ADCY2: variants seen among roughly 807,000 people sequenced by gnomAD.
The protein encoded by ADCY2 is adenylate cyclase 2, also known as adenylate cyclase type 2.
In ADCY2, 31 loss-of-function variants were observed where a neutral mutation model predicts 125.2. The observed-to-expected ratio is 0.25, with a 90% CI of 0.19 to 0.33. The LOEUF (loss-of-function observed/expected upper bound fraction) is 0.33, where lower values mean the gene tolerates loss of function less well. Ranked by LOEUF, ADCY2 falls within the 10% of genes least tolerant of loss-of-function variation. The pLI is 1.00. For missense variants in ADCY2, 904 were observed against 1,418.2 expected, an observed-to-expected ratio of 0.64 and a Z score of 5.82; for synonymous variants, 512 against 548.4, an observed-to-expected ratio of 0.93 and a Z score of 0.93.
intron 16 of ADCY2, among the ~76,000 whole-genome samples, chr5:7,758,469 C>G (rs554936478): frequency 6.6e-6 from 1 of 152,108 alleles, no homozygotes; most frequent in African/African-American, 2.4e-5. Context: ...TTCCAGGGAC[C>G]CAAAGCCAGG....
rs148243742 is a variant in ADCY2, at chr5:7,618,291, T to A, written c.571-7876T>A. 1.2e-3 allele frequency among the ~76,000 whole-genome samples: 179 copies of A among 152,330 alleles called. 1 individual carries two copies. The highest frequency in any genetic ancestry group is 4.1e-3 in the African/African-American group (170 of 41,586). ...CAGGTGTTTTCTGATTCAGTCATAA[T>A]CAGCGGGGCACTCTGCACTTTTTAT... On this transcript the variant is annotated intron_variant, in intron 3 of 24. Coordinates refer to ENST00000338316, the MANE Select transcript of ADCY2 (RefSeq NM_020546.3).
At chr5:7,629,675 C>A (rs559365339) in intron 4 of ADCY2, among the ~76,000 whole-genome samples, 1 of 152,198 alleles carries the variant, frequency 6.6e-6, no homozygotes, top group East Asian at 1.9e-4. Flanking sequence ...TCACCTGTCT[C>A]GAGTTTTGAC....
chr5:7,634,751 G>A (rs1038026608), intron 4 of ADCY2, among the ~76,000 whole-genome samples: 5 of 151,846 alleles, frequency 3.3e-5, no homozygotes, highest in African/African-American at 1.2e-4. Flanking sequence ...CCCAGGTTGG[G>A]GAATGCAGAG....
At chr5:7,430,522 G>GTGTA (rs1740550071) in intron 2 of ADCY2, among the ~76,000 whole-genome samples, 1 of 146,428 alleles carries the variant, frequency 6.8e-6, no homozygotes, top group Non-Finnish European at 1.5e-5. Flanking sequence ...ATGTGTGTAT[G>GTGTA]TATATATATA....
rs985437261 is a variant in ADCY2 at position 7,626,193 on chromosome 5, C to T, written c.597C>T (p.Ile199=). The T allele has an allele frequency of 6.2e-7, 1 of 1,614,018 alleles. No individual in the cohort carries two copies. The highest frequency in any genetic ancestry group is 1.1e-5 in the South Asian group (1 of 91,044). The change falls in exon 4 of 25, where the codon ATC becomes ATT. Residue 199 remains isoleucine, a synonymous_variant. Transcript: ENST00000338316. ...WQILANVIIF[I]CGNLAGAYHK... Reference sequence around the variant, plus strand: ...TCCTGGCCAATGTGATCATTTTCATCTGTGGGAACCTGGCGGGAGCCTACC... The same window carrying T: ...TCCTGGCCAATGTGATCATTTTCATTTGTGGGAACCTGGCGGGAGCCTACC...
chr5:7,792,567 T>A (rs920884338), intron 20 of ADCY2, among the ~76,000 whole-genome samples: 2 of 147,230 alleles, frequency 1.4e-5, no homozygotes, highest in African/African-American at 5.4e-5. Flanking sequence ...CAGAGCCCTG[T>A]CTCATGTCCT....
intron 18 of ADCY2, among the ~76,000 whole-genome samples, chr5:7,783,517 C>G (rs1007677290): frequency 6.6e-6 from 1 of 151,892 alleles, no homozygotes; most frequent in African/African-American, 2.4e-5. Flanking sequence ...CCTTGAACCC[C>G]CCACAGAGAA....
At chr5:7,728,278 T>C (rs1301136655) in intron 14 of ADCY2, among the ~76,000 whole-genome samples, 1 of 152,166 alleles carries the variant, frequency 6.6e-6, no homozygotes, top group Non-Finnish European at 1.5e-5. Flanking sequence ...TCAAAGGATT[T>C]TCTTCTGGGC....
In ADCY2 at chr5:7,520,785, C is replaced by T. The variant is rs779363813; in HGVS notation, c.456C>T (p.Pro152=). 1 of 1,614,170 alleles carries T rather than the reference C, an allele frequency of 6.2e-7. No homozygotes were observed. The highest frequency in any genetic ancestry group is 1.7e-5 in the Admixed American group (1 of 60,026). Residue 152 remains proline (P), a synonymous_variant, in exon 3 of 25, where the codon CCC becomes CCT. Transcript: ENST00000338316. ...TCTTCGTGGTGTACACCATGCTGCC[C>T]TTCAACATGCGAGACGCCATCATTG... ...FIIFVVYTML[P]FNMRDAIIAS...
In ADCY2 at chr5:7,690,681, C is replaced by A. The variant is rs1310398379; in HGVS notation, c.721-10C>A. 3 of 1,557,470 alleles carry A rather than the reference C, an allele frequency of 1.9e-6. No homozygotes were observed. The highest frequency in any genetic ancestry group is 2.6e-6 in the Non-Finnish European group (3 of 1,155,426). Reference sequence around the variant, plus strand: ...AGAGACATTTGTTCCTCCTTCCCCACCTTGTCCAGGAGCGGCTTCTGCTCT... The same window carrying A: ...AGAGACATTTGTTCCTCCTTCCCCAACTTGTCCAGGAGCGGCTTCTGCTCT... On this transcript the variant is annotated splice_polypyrimidine_tract_variant and intron_variant, in intron 4 of 24. Coordinates refer to ENST00000338316, the MANE Select transcript of ADCY2 (RefSeq NM_020546.3).
chr5:7,733,710 A>G (rs578159120), intron 14 of ADCY2, among the ~76,000 whole-genome samples: 4 of 152,284 alleles, frequency 2.6e-5, no homozygotes, highest in Admixed American at 2.0e-4. Flanking sequence ...AATCCAAGAG[A>G]TGGGATAAGC....
intron 7 of ADCY2, among the ~76,000 whole-genome samples, chr5:7,698,884 A>G (rs1214004319): frequency 6.6e-6 from 1 of 152,066 alleles, no homozygotes; most frequent in Non-Finnish European, 1.5e-5. Context: ...ATGATTTATA[A>G]TCCTTTGGGT....
intron 2 of ADCY2, among the ~76,000 whole-genome samples, chr5:7,439,360 A>G (rs1236441222): frequency 6.6e-6 from 1 of 152,124 alleles, no homozygotes; most frequent in Non-Finnish European, 1.5e-5. Context: ...GGGAACTTCC[A>G]TTTATAAAAC....
At chr5:7,693,532 C>T (rs1263255834) in intron 5 of ADCY2, among the ~76,000 whole-genome samples, 1 of 151,326 alleles carries the variant, frequency 6.6e-6, no homozygotes, top group Non-Finnish European at 1.5e-5. Context: ...AATTCTCCTG[C>T]CTCAGCCTTA....
chr5:7,737,637 A>T (rs138799970), intron 14 of ADCY2, among the ~76,000 whole-genome samples: 606 of 152,278 alleles, frequency 4.0e-3, no homozygotes, highest in African/African-American at 0.014. Context: ...AATTACCAAC[A>T]CACTTAGTGA....
intron 3 of ADCY2, among the ~76,000 whole-genome samples, chr5:7,561,373 A>G (rs1285342403): frequency 6.6e-6 from 1 of 152,218 alleles, no homozygotes; most frequent in African/African-American, 2.4e-5. Context: ...CTCCTAGGCT[A>G]TAAACATATG....
Position 7,752,991 on chromosome 5 carries a change from C to T in ADCY2, c.1957-4458C>T, listed in dbSNP as rs577673234. ...TCAGCTCACTGCAACCTCTGCCTCC[C>T]GGGTTCAAGCAGTTTTCCTGCTTCA... is the stretch of plus-strand genomic sequence containing the variant. On this transcript the variant is annotated intron_variant, in intron 15 of 24. Coordinates refer to ENST00000338316, the MANE Select transcript of ADCY2 (RefSeq NM_020546.3). Among the ~76,000 whole-genome samples, 61 of 151,020 alleles carry T rather than the reference C, an allele frequency of 4.0e-4. 1 individual carries two copies. The highest frequency in any genetic ancestry group is 1.4e-3 in the African/African-American group (58 of 41,094).
chr5:7,414,747 G>C lies in ADCY2; in HGVS notation c.385G>C (p.Gly129Arg). ...GGGATACCTGTTCATGTGTTTTGGA[G>C]GCACCGTCTCTCCCTGGGACCAGGT... ...AMGYLFMCFG[G>R]TVSPWDQVSF... The change falls in exon 2 of 25, where the codon GGC becomes CGC. Residue 129 changes from glycine (G) to arginine (R), a missense_variant. Gly to Arg is a moderately radical substitution (Grantham distance 125). This residue lies in a region of ADCY2 where 121 missense variants were observed against 161.5 expected (regional missense o/e 0.75). Transcript: ENST00000338316. The C allele has an allele frequency of 1.2e-6, 2 of 1,611,828 alleles. No homozygotes were observed. The highest frequency in any genetic ancestry group is 1.7e-6 in the Non-Finnish European group (2 of 1,179,334).
chr5:7,721,634 C>A (rs1741764755), intron 12 of ADCY2, among the ~76,000 whole-genome samples: 2 of 152,308 alleles, frequency 1.3e-5, no homozygotes, highest in African/African-American at 4.8e-5. Flanking sequence ...GTTTTCCCAG[C>A]ACCATTTATT....
Sources: gnomAD v4.1 joint callset for allele counts (sites outside exome capture counted in the v4.1 genomes callset) on GRCh38, gnomAD v4.1.1 for gene constraint, gnomAD v4.1.1 regional missense constraint, MANE v1.5 for transcripts, NCBI Gene and HGNC (gene_info 2026-07-23, HGNC 2026-07-21) for gene names.